Variants in CSMD3 observed in about 807,000 individuals in gnomAD.
CSMD3 encodes CUB and sushi domain-containing protein 3.
Under a neutral mutation model 435.2 loss-of-function variants are expected in CSMD3, and 177 were observed. The observed-to-expected ratio is 0.41, with a 90% confidence interval of 0.36 to 0.46. The LOEUF is 0.46. Ranked by LOEUF, CSMD3 falls within the 20% of genes least tolerant of loss-of-function variation. The probability of loss-of-function intolerance (pLI) is 0.34; values close to 1 mark genes in which losing one functional copy is unlikely to be tolerated. For synonymous variants in CSMD3, 1,656 were observed against 1,520.5 expected, an observed-to-expected ratio of 1.09 and a Z score of -2.07; for missense variants, 4,265 against 4,504.6, an observed-to-expected ratio of 0.95 and a Z score of 1.52.
intron 13 of CSMD3, among the ~76,000 whole-genome samples, chr8:112,717,916 G>A (rs2076769298): frequency 6.6e-6 from 1 of 152,064 alleles, no homozygotes; most frequent in Admixed American, 6.6e-5. Flanking sequence ...CTGTCAGGGG[G>A]TGGAGGGCAA....
At chr8:112,259,026 G>C (rs888803581) in intron 61 of CSMD3, among the ~76,000 whole-genome samples, 1 of 151,686 alleles carries the variant, frequency 6.6e-6, no homozygotes, top group Non-Finnish European at 1.5e-5. Context: ...GCTACAGAGC[G>C]AGAATCTATC....
intron 12 of CSMD3, among the ~76,000 whole-genome samples, chr8:112,813,497 G>A (rs2079285404): frequency 6.6e-6 from 1 of 152,126 alleles, no homozygotes; most frequent in Non-Finnish European, 1.5e-5. Context: ...AGGCCCACTG[G>A]TCACAGGAAA....
intron 3 of CSMD3, among the ~76,000 whole-genome samples, chr8:113,258,996 A>C (rs2093405523): frequency 6.6e-6 from 1 of 152,206 alleles, no homozygotes; most frequent in South Asian, 2.1e-4. Context: ...ACAATTAAAC[A>C]CATGATGCTG....
At chr8:112,426,489 CA>C (rs1451008494) in intron 32 of CSMD3, among the ~76,000 whole-genome samples, 1 of 152,150 alleles carries the variant, frequency 6.6e-6, no homozygotes. Flanking sequence ...CCAGACTTCA[CA>C]GATTGATACC....
intron 20 of CSMD3, among the ~76,000 whole-genome samples, chr8:112,641,156 C>A (rs570877152): frequency 5.2e-4 from 79 of 152,170 alleles, no homozygotes; most frequent in Middle Eastern, 3.4e-3. Context: ...ATCAATTTCC[C>A]AAAATGAGAG....
chr8:113,111,835 C>T (rs2090650648), intron 4 of CSMD3, among the ~76,000 whole-genome samples: 1 of 152,030 alleles, frequency 6.6e-6, no homozygotes, highest in African/African-American at 2.4e-5. Context: ...CGCCTGCCAC[C>T]ATGCCTGGCT....
At chr8:113,011,058 C>A (rs181875629) in intron 6 of CSMD3, among the ~76,000 whole-genome samples, 1 of 151,666 alleles carries the variant, frequency 6.6e-6, no homozygotes, top group Non-Finnish European at 1.5e-5. Flanking sequence ...TACAACTACT[C>A]TTTTCTCATG....
chr8:113,325,115 C>T (rs2093974990), intron 1 of CSMD3, among the ~76,000 whole-genome samples: 1 of 152,176 alleles, frequency 6.6e-6, no homozygotes, highest in African/African-American at 2.4e-5. Flanking sequence ...AAGGACTTGC[C>T]TTGTGTCAGA....
chr8:112,329,353 G>A (rs963154657), intron 45 of CSMD3, among the ~76,000 whole-genome samples: 1 of 152,076 alleles, frequency 6.6e-6, no homozygotes, highest in African/African-American at 2.4e-5. Flanking sequence ...TAATCAAAAT[G>A]ACAGTCTTCC....
chr8:113,041,755 T>A (rs912981718), intron 5 of CSMD3, among the ~76,000 whole-genome samples: 2 of 152,236 alleles, frequency 1.3e-5, no homozygotes, highest in African/African-American at 4.8e-5. Context: ...ATTGCATTTA[T>A]GCTTAGAAAG....
At chr8:112,786,156 A>G (rs1363204612) in intron 13 of CSMD3, among the ~76,000 whole-genome samples, 2 of 152,140 alleles carry the variant, frequency 1.3e-5, no homozygotes, top group Non-Finnish European at 2.9e-5. Flanking sequence ...TTCAACAAAG[A>G]TGCCAAGAAC....
chr8:112,285,952 C>A (rs181212483), intron 58 of CSMD3, among the ~76,000 whole-genome samples: 4 of 152,038 alleles, frequency 2.6e-5, no homozygotes, highest in Non-Finnish European at 5.9e-5. Flanking sequence ...AAACTCCTGG[C>A]CTCAAGTGAT....
chr8:112,887,824 C>T (rs921064566), intron 10 of CSMD3, among the ~76,000 whole-genome samples: 1 of 151,138 alleles, frequency 6.6e-6, no homozygotes, highest in African/African-American at 2.4e-5. Context: ...AAAGATGGTA[C>T]TAATAAAATA....
intron 4 of CSMD3, among the ~76,000 whole-genome samples, chr8:113,109,439 A>G (rs1309593007): frequency 3.3e-5 from 5 of 152,208 alleles, no homozygotes; most frequent in African/African-American, 1.2e-4. Flanking sequence ...CTGCTTCTAA[A>G]ATACAATGGT....
In CSMD3 at chr8:112,454,756, C is replaced by T. The variant is rs1816654042; in HGVS notation, c.5395+17835G>A. 2.0e-5 allele frequency among the ~76,000 whole-genome samples: 3 copies of T among 151,818 alleles called. No homozygotes were observed. The South Asian group carries it at 6.2e-4, about 32-fold the overall frequency. ...CTGTAATTTCAACACTTTGGGAGGCCAAGGCAGGAGGATTGCTTGAGCCTA... is the reference window on the plus strand; with the variant it reads ...CTGTAATTTCAACACTTTGGGAGGCTAAGGCAGGAGGATTGCTTGAGCCTA... On this transcript the variant is annotated intron_variant, in intron 32 of 70. Coordinates refer to ENST00000297405, the MANE Select transcript of CSMD3 (RefSeq NM_198123.2).
chr8:113,091,682 T>C (rs2090007746), intron 5 of CSMD3, among the ~76,000 whole-genome samples: 1 of 150,866 alleles, frequency 6.6e-6, no homozygotes, highest in African/African-American at 2.4e-5. Flanking sequence ...CTCTTTTACT[T>C]TAGTCTGGTT....
At chr8:112,847,061 T>C (rs2080344193) in intron 11 of CSMD3, among the ~76,000 whole-genome samples, 1 of 152,118 alleles carries the variant, frequency 6.6e-6, no homozygotes, top group Admixed American at 6.6e-5. Flanking sequence ...TACTAGGTTC[T>C]TTCTGAATCA....
intron 1 of CSMD3, among the ~76,000 whole-genome samples, chr8:113,382,208 G>A (rs950920922): frequency 2.6e-5 from 4 of 151,988 alleles, no homozygotes; most frequent in South Asian, 2.1e-4. Flanking sequence ...CTTTAAAAAC[G>A]TTGTGCTTAC....
At chr8:112,441,049 C>A (rs1159701217) in intron 32 of CSMD3, among the ~76,000 whole-genome samples, 2 of 152,116 alleles carry the variant, frequency 1.3e-5, no homozygotes, top group Non-Finnish European at 2.9e-5. Flanking sequence ...ATGACTTTTT[C>A]TTTTTACTTA....
Sources: gnomAD v4.1 joint callset for allele counts (sites outside exome capture counted in the v4.1 genomes callset) on GRCh38, gnomAD v4.1.1 for gene constraint, MANE v1.5 for transcripts, NCBI Gene and HGNC (gene_info 2026-07-23, HGNC 2026-07-21) for gene names.